PTPRD: variants seen among roughly 807,000 people sequenced by gnomAD.
PTPRD encodes receptor-type tyrosine-protein phosphatase delta.
PTPRD carries 34 observed loss-of-function variants against 214.5 expected under a neutral mutation model. The observed-to-expected ratio is 0.16, with a 90% CI of 0.12 to 0.21. PTPRD has a LOEUF of 0.21. Among genes scored for constraint, PTPRD ranks in the 10% least tolerant of loss-of-function variants. PTPRD has a pLI of 1.00. For missense variants in PTPRD, 2,545 were observed against 2,398.7 expected (o/e 1.06, Z -1.27); for synonymous variants, 1,128 against 845.7 (o/e 1.33, Z -5.79).
chr9:10,443,625 T>G (rs1380267432), intron 2 of PTPRD, among the ~76,000 whole-genome samples: 1 of 151,630 alleles, frequency 6.6e-6, no homozygotes, highest in African/African-American at 2.4e-5. Flanking sequence ...TTTTTTTCTT[T>G]GCGTGGAATG....
At chr9:9,134,058 CTTTTTTTTTT>C (rs928663989) in intron 10 of PTPRD, among the ~76,000 whole-genome samples, 9 of 75,426 alleles carry the variant, frequency 1.2e-4, no homozygotes, top group African/African-American at 4.9e-4. Flanking sequence ...TAGAATCATT[CTTTTTTTTTT>C]TTTTTTTTTT....
chr9:8,741,061 C>G (rs1255004094), intron 11 of PTPRD, among the ~76,000 whole-genome samples: 1 of 152,090 alleles, frequency 6.6e-6, no homozygotes, highest in Non-Finnish European at 1.5e-5. Context: ...TGATGCATCC[C>G]TGTAAGATAT....
intron 9 of PTPRD, among the ~76,000 whole-genome samples, chr9:9,195,980 T>C (rs574687307): frequency 3.7e-4 from 57 of 152,212 alleles, no homozygotes; most frequent in African/African-American, 1.3e-3. Context: ...CTAAATTATT[T>C]TGAAGAATTA....
intron 11 of PTPRD, among the ~76,000 whole-genome samples, chr9:8,850,676 G>C (rs1427440101): frequency 2.0e-5 from 3 of 152,002 alleles, no homozygotes; most frequent in Admixed American, 6.5e-5. Context: ...TTTAAAATAA[G>C]ACATAAATCA....
chr9:10,144,517 A>G (rs1156987919), intron 3 of PTPRD, among the ~76,000 whole-genome samples: 1 of 151,968 alleles, frequency 6.6e-6, no homozygotes, highest in Non-Finnish European at 1.5e-5. Flanking sequence ...CTAAAAATAG[A>G]CCTCAGTCCA....
chr9:10,464,918 C>T (rs553601046), intron 2 of PTPRD, among the ~76,000 whole-genome samples: 1 of 152,044 alleles, frequency 6.6e-6, no homozygotes, highest in East Asian at 1.9e-4. Context: ...TAGCCTAAAA[C>T]TAACATTACA....
intron 35 of PTPRD, among the ~76,000 whole-genome samples, chr9:8,421,370 T>TTCTCTTCTCTTCTCTC (rs141962478): frequency 6.8e-6 from 1 of 146,644 alleles, no homozygotes; most frequent in Non-Finnish European, 1.5e-5. Flanking sequence ...TTCTCTTCTC[T>TTCTCTTCTCTTCTCTC]TCTCTCTCTC....
At chr9:9,176,404 T>G (rs1266876839) in intron 10 of PTPRD, among the ~76,000 whole-genome samples, 1 of 152,200 alleles carries the variant, frequency 6.6e-6, no homozygotes, top group Non-Finnish European at 1.5e-5. Context: ...ATTCACTTTC[T>G]CCTAATCTTC....
intron 2 of PTPRD, among the ~76,000 whole-genome samples, chr9:10,417,006 G>T (rs1053964030): frequency 6.6e-6 from 1 of 152,034 alleles, no homozygotes; most frequent in Non-Finnish European, 1.5e-5. Flanking sequence ...TTCCAGACAA[G>T]AGTTGCCTTG....
At chr9:9,519,513 T>A (rs571325011) in intron 8 of PTPRD, among the ~76,000 whole-genome samples, 1 of 151,844 alleles carries the variant, frequency 6.6e-6, no homozygotes, top group Non-Finnish European at 1.5e-5. Context: ...AAGAAGAACA[T>A]AGCTTTTGAG....
intron 3 of PTPRD, among the ~76,000 whole-genome samples, chr9:10,291,098 G>T (rs1440917533): frequency 1.3e-5 from 2 of 150,506 alleles, no homozygotes; most frequent in Admixed American, 1.3e-4. Flanking sequence ...TTCCTCTTGA[G>T]ATATGAAGAA....
intron 10 of PTPRD, chr9:9,091,344 T>C: frequency 2.7e-6 from 2 of 754,148 alleles, no homozygotes; most frequent in African/African-American, 1.7e-5. Flanking sequence ...TAGCTGCGTA[T>C]TTTTCTGGAA....
At chr9:10,104,968 T>A (rs1460577582) in intron 3 of PTPRD, among the ~76,000 whole-genome samples, 6 of 151,836 alleles carry the variant, frequency 4.0e-5, no homozygotes, top group South Asian at 2.1e-4. Context: ...ATGCTAGGCT[T>A]TCACAACACA....
intron 9 of PTPRD, among the ~76,000 whole-genome samples, chr9:9,354,496 T>G (rs1453123349): frequency 6.7e-6 from 1 of 149,914 alleles, no homozygotes; most frequent in Non-Finnish European, 1.5e-5. Context: ...ATTCAATAAC[T>G]TTTCAAATGA....
intron 43 of PTPRD, among the ~76,000 whole-genome samples, chr9:8,333,383 G>A (rs967534123): frequency 2.0e-5 from 3 of 152,084 alleles, no homozygotes; most frequent in African/African-American, 2.4e-5. Context: ...GAGACTGCCT[G>A]ACTTCATTTA....
At chr9:9,482,561 C>T (rs1290063938) in intron 8 of PTPRD, among the ~76,000 whole-genome samples, 2 of 152,126 alleles carry the variant, frequency 1.3e-5, no homozygotes, top group Non-Finnish European at 2.9e-5. Context: ...AAAGAAGCAT[C>T]ACAAGTAAGC....
intron 11 of PTPRD, among the ~76,000 whole-genome samples, chr9:8,743,451 G>T (rs146816188): frequency 2.0e-5 from 3 of 152,292 alleles, no homozygotes; most frequent in Non-Finnish European, 4.4e-5. Flanking sequence ...TCTCAGGAAA[G>T]AAATACTCAG....
chr9:9,032,711 T>C (rs935338823), intron 10 of PTPRD, among the ~76,000 whole-genome samples: 2 of 152,140 alleles, frequency 1.3e-5, no homozygotes, highest in Non-Finnish European at 2.9e-5. Context: ...AAGGTTTGCA[T>C]CCCGGCTCTG....
At chr9:10,318,521 T>C (rs189687592) in intron 3 of PTPRD, among the ~76,000 whole-genome samples, 6 of 152,162 alleles carry the variant, frequency 3.9e-5, no homozygotes, top group Admixed American at 1.3e-4. Flanking sequence ...GTATTCTGTG[T>C]ATGTTCCCTC....
Sources: gnomAD v4.1 joint callset for allele counts (sites outside exome capture counted in the v4.1 genomes callset) on GRCh38, gnomAD v4.1.1 for gene constraint, MANE v1.5 for transcripts, NCBI Gene and HGNC (gene_info 2026-07-23, HGNC 2026-07-21) for gene names.